The following PPHLN1 variants were observed in gnomAD, a reference collection of about 807,000 sequenced individuals.
PPHLN1 encodes periphilin-1.
A neutral mutation model predicts 51.3 loss-of-function variants in PPHLN1; 29 were observed. The ratio of observed to expected loss-of-function variants is 0.57; its 90% CI spans 0.42 to 0.77. The LOEUF is 0.77. PPHLN1 is among the 30% of genes least tolerant of loss of function. The pLI is 0.00. For synonymous variants in PPHLN1, 147 were observed against 147.8 expected, an observed-to-expected ratio of 0.99 and a Z score of 0.04; for missense variants, 436 against 438.4, an observed-to-expected ratio of 0.99 and a Z score of 0.05.
chr12:42,382,973 CA>C (rs924613933), intron 5 of PPHLN1, among the ~76,000 whole-genome samples: 2 of 151,398 alleles, frequency 1.3e-5, no homozygotes, highest in East Asian at 1.9e-4. Flanking sequence ...AAAAACAAAA[CA>C]AAAAAAACAA....
chr12:42,396,247 T>A (rs2078186126), intron 8 of PPHLN1, among the ~76,000 whole-genome samples: 1 of 152,198 alleles, frequency 6.6e-6, no homozygotes, highest in Non-Finnish European at 1.5e-5. Context: ...ACCAAACTTT[T>A]GACTATGTAA....
chr12:42,339,746 C>T (rs796874440), intron 2 of PPHLN1, among the ~76,000 whole-genome samples: 24 of 152,244 alleles, frequency 1.6e-4, no homozygotes, highest in African/African-American at 4.8e-4. Flanking sequence ...GGTTTCATTG[C>T]TGTAATTTCA....
At chr12:42,376,912 GTA>G (rs2076315207) in intron 5 of PPHLN1, among the ~76,000 whole-genome samples, 1 of 152,080 alleles carries the variant, frequency 6.6e-6, no homozygotes, top group Admixed American at 6.6e-5. Context: ...ATGTTAACAA[GTA>G]TACAAGTATT....
At chr12:42,328,358 A>G (rs1303987791) in intron 1 of PPHLN1, among the ~76,000 whole-genome samples, 2 of 152,228 alleles carry the variant, frequency 1.3e-5, no homozygotes, top group Admixed American at 1.3e-4. Flanking sequence ...ATGGTTAATA[A>G]AAAACCTCTT....
chr12:42,406,465 A>T (rs1274292499), intron 9 of PPHLN1, among the ~76,000 whole-genome samples: 1 of 152,082 alleles, frequency 6.6e-6, no homozygotes, highest in Non-Finnish European at 1.5e-5. Context: ...TGTTTATGAG[A>T]TTCGTTGATG....
chr12:42,326,236 G>C lies in PPHLN1; in HGVS notation c.-21+7G>C, dbSNP rs922303725. 1 of 152,262 alleles carries C rather than the reference G, an allele frequency of 6.6e-6. No homozygotes were observed. Among genetic ancestry groups the C allele is most frequent in the Non-Finnish European group, 1.5e-5 (1 of 68,106 alleles). 9.4% of individuals were successfully genotyped at this position (152,262 alleles called of 1,614,324 possible). ...TCCCGGAGGGCCAGAGTCGGTGAGC[G>C]CTTTTTACCTTTCCCAGAGATGGAT... On this transcript the variant is annotated splice_region_variant and intron_variant, in intron 1 of 9. Coordinates refer to ENST00000358314, the MANE Select transcript of PPHLN1 (RefSeq NM_201439.2).
intron 9 of PPHLN1, chr12:42,433,197 C>G: frequency 1.3e-6 from 1 of 763,728 alleles, no homozygotes; most frequent in Non-Finnish European, 2.5e-6. Context: ...AGCCACCCAC[C>G]ATCCACATGG....
At position 42,387,149 on chromosome 12, in the gene PPHLN1, G is replaced by A. The variant is rs73272026; in HGVS notation, c.569-307G>A. 3.9e-3 allele frequency: 707 copies of A among 182,474 alleles called. 6 individuals carry two copies. The highest frequency in any genetic ancestry group is 0.015 in the African/African-American group (648 of 42,682). 11.3% of individuals were successfully genotyped at this position (182,474 alleles called of 1,614,324 possible). A position where few individuals can be genotyped will look rare whatever the true frequency, so the allele number is the denominator to read the frequency against. On this transcript the variant is annotated intron_variant, in intron 6 of 9. Coordinates refer to ENST00000358314, the MANE Select transcript of PPHLN1 (RefSeq NM_201439.2). Reference sequence around the variant, plus strand: ...AGCATTTAGGAGCATGGAAGAAGTAGCATTCATGGTTTTAAAATATGTTTT... The same window carrying A: ...AGCATTTAGGAGCATGGAAGAAGTAACATTCATGGTTTTAAAATATGTTTT...
intron 2 of PPHLN1, among the ~76,000 whole-genome samples, chr12:42,342,399 C>T (rs1415216751): frequency 6.6e-6 from 1 of 152,232 alleles, no homozygotes; most frequent in Non-Finnish European, 1.5e-5. Flanking sequence ...GGATTACAGG[C>T]ATGAGGCACC....
chr12:42,326,905 C>G (rs2068868222), intron 1 of PPHLN1, among the ~76,000 whole-genome samples: 1 of 152,158 alleles, frequency 6.6e-6, no homozygotes, highest in Non-Finnish European at 1.5e-5. Flanking sequence ...GCCTGGAACC[C>G]ACAGCCTCTC....
chr12:42,414,654 T>A (rs1317592561), intron 9 of PPHLN1, among the ~76,000 whole-genome samples: 2 of 152,228 alleles, frequency 1.3e-5, no homozygotes, highest in Middle Eastern at 3.2e-3. Context: ...ACTGAATTCG[T>A]TTCTCAAATC....
intron 9 of PPHLN1, among the ~76,000 whole-genome samples, chr12:42,406,550 G>A (rs1470288632): frequency 6.6e-6 from 1 of 152,182 alleles, no homozygotes; most frequent in African/African-American, 2.4e-5. Context: ...ACTGTTTCCT[G>A]TGGTTATTGG....
chr12:42,344,281 T>A (rs2071934668), intron 2 of PPHLN1, among the ~76,000 whole-genome samples: 1 of 152,230 alleles, frequency 6.6e-6, no homozygotes, highest in South Asian at 2.1e-4. Context: ...CGTATTTACT[T>A]CTTTGGTAGG....
intron 9 of PPHLN1, among the ~76,000 whole-genome samples, chr12:42,435,232 T>C (rs2082378302): frequency 6.6e-6 from 1 of 152,268 alleles, no homozygotes; most frequent in South Asian, 2.1e-4. Flanking sequence ...GAGAATTCTA[T>C]AAACATTGAT....
intron 4 of PPHLN1, among the ~76,000 whole-genome samples, chr12:42,367,178 C>T (rs1016568498): frequency 2.6e-5 from 4 of 152,082 alleles, no homozygotes; most frequent in Non-Finnish European, 4.4e-5. Context: ...TCCACTAATC[C>T]GTAAATGAGA....
intron 4 of PPHLN1, among the ~76,000 whole-genome samples, chr12:42,356,000 T>A (rs1359179540): frequency 6.6e-6 from 1 of 152,176 alleles, no homozygotes; most frequent in Non-Finnish European, 1.5e-5. Context: ...ATCGTTGGCT[T>A]TGATTACTTA....
At chr12:42,364,458 C>T (rs1465371304) in intron 4 of PPHLN1, among the ~76,000 whole-genome samples, 1 of 151,890 alleles carries the variant, frequency 6.6e-6, no homozygotes, top group Non-Finnish European at 1.5e-5. Flanking sequence ...AAGGCGACCC[C>T]ATTTCTACAA....
At chr12:42,440,965 T>A (rs1344521723) in intron 9 of PPHLN1, among the ~76,000 whole-genome samples, 2 of 152,260 alleles carry the variant, frequency 1.3e-5, no homozygotes, top group Non-Finnish European at 2.9e-5. Flanking sequence ...AACAAATAAA[T>A]GAACAAAGTC....
At chr12:42,338,383 G>C (rs1488111980) in intron 2 of PPHLN1, among the ~76,000 whole-genome samples, 1 of 152,218 alleles carries the variant, frequency 6.6e-6, no homozygotes, top group African/African-American at 2.4e-5. Flanking sequence ...TGTAAGATGA[G>C]TAGTGGATCC....
Sources: allele counts gnomAD v4.1 joint callset (sites outside exome capture counted in the v4.1 genomes callset), GRCh38; gene constraint gnomAD v4.1.1; transcripts MANE v1.5; gene names NCBI Gene and HGNC (gene_info 2026-07-23, HGNC 2026-07-21).